Variants in DNAH9 observed in about 807,000 individuals in gnomAD.
DNAH9 encodes the protein DNAH9 variant protein.
Under a neutral mutation model 471.6 loss-of-function variants are expected in DNAH9, and 345 were observed. The ratio of observed to expected loss-of-function variants is 0.73; its 90% CI spans 0.67 to 0.80. The LOEUF (loss-of-function observed/expected upper bound fraction) is 0.80, where lower values mean the gene tolerates loss of function less well. Ranked by LOEUF, DNAH9 falls within the 30% of genes least tolerant of loss-of-function variation. The probability of loss-of-function intolerance (pLI) is 0.00; values close to 1 mark genes in which losing one functional copy is unlikely to be tolerated. For missense variants in DNAH9, 5,407 were observed against 5,609.2 expected (o/e 0.96, Z 1.15); for synonymous variants, 2,093 against 2,123.6 (o/e 0.99, Z 0.40).
chr17:11,936,228 T>A (rs1345960263), intron 65 of DNAH9, among the ~76,000 whole-genome samples: 1 of 151,722 alleles, frequency 6.6e-6, no homozygotes, highest in Non-Finnish European at 1.5e-5. Context: ...GAATGGGCAA[T>A]CTATTAGGCT....
chr17:11,879,855 T>C (rs1972644662), intron 53 of DNAH9, among the ~76,000 whole-genome samples: 1 of 152,202 alleles, frequency 6.6e-6, no homozygotes, highest in South Asian at 2.1e-4. Flanking sequence ...TGGTTTTCAT[T>C]ATCTTTTTTG....
In DNAH9 at chr17:11,962,038, A is replaced by C. The variant is rs756392745; in HGVS notation, c.13015A>C (p.Thr4339Pro). The change falls in exon 68 of 69, where the codon ACA becomes CCA. Residue 4339 changes from threonine to proline, a missense_variant. Transcript: ENST00000262442. This position sits in a 1 kb window ranked among gnomAD's most constrained non-coding sequence, Gnocchi z 4.1. ...KELEAWTGDF[T>P]MPSTVWLTGF... is the part of the protein sequence containing the mutation. ...GCTAGAGGCTTGGACGGGTGACTTT[A>C]CAATGCCCTCCACTGTGTGGCTGAC... 6.2e-7 allele frequency: 1 copy of C among 1,614,126 alleles called. No homozygotes were observed. The highest frequency in any genetic ancestry group is 1.7e-5 in the Admixed American group (1 of 60,012).
intron 59 of DNAH9, among the ~76,000 whole-genome samples, chr17:11,895,445 T>C (rs973617808): frequency 3.3e-5 from 5 of 152,244 alleles, no homozygotes; most frequent in African/African-American, 9.6e-5. Flanking sequence ...AAGAGTAAAG[T>C]AATATGATTG....
In DNAH9 at chr17:11,932,409, T is replaced by C. The variant is rs865975756; in HGVS notation, c.12297+204T>C. 6.6e-6 allele frequency among the ~76,000 whole-genome samples: 1 copy of C among 152,116 alleles called. No homozygotes were observed. Among genetic ancestry groups the C allele is most frequent in the Non-Finnish European group, 1.5e-5 (1 of 68,010 alleles). On this transcript the variant is annotated intron_variant, in intron 64 of 68. Coordinates refer to ENST00000262442, the MANE Select transcript of DNAH9 (RefSeq NM_001372.4). The surrounding 1 kb of genome is among the most constrained non-coding windows in gnomAD (Gnocchi z 4.3). ...TCATGTTCCAAGCCCCACTCCCCAT[T>C]ACCTGACAGCCAGATTATTTGAAAC...
chr17:11,788,257 G>A (rs1016142764), intron 41 of DNAH9, among the ~76,000 whole-genome samples: 1 of 152,168 alleles, frequency 6.6e-6, no homozygotes, highest in Non-Finnish European at 1.5e-5. Context: ...CAGGTACCTA[G>A]GAGAGCTAAG....
chr17:11,959,423 G>A (rs1388091668), intron 67 of DNAH9, among the ~76,000 whole-genome samples: 1 of 152,060 alleles, frequency 6.6e-6, no homozygotes, highest in African/African-American at 2.4e-5. Flanking sequence ...TATTACATAA[G>A]CTATACATTG....
intron 26 of DNAH9, among the ~76,000 whole-genome samples, chr17:11,709,619 G>C (rs1029294961): frequency 2.0e-5 from 3 of 152,180 alleles, no homozygotes; most frequent in Admixed American, 1.3e-4. Context: ...GCCTGGATGG[G>C]ACTTGAATAT....
At chr17:11,655,020 C>G (rs1478668562) in intron 14 of DNAH9, among the ~76,000 whole-genome samples, 1 of 152,092 alleles carries the variant, frequency 6.6e-6, no homozygotes, top group Non-Finnish European at 1.5e-5. Context: ...ACAAAAACCA[C>G]TGAACAGAAG....
At chr17:11,934,510 A>C (rs1974635562) in intron 65 of DNAH9, among the ~76,000 whole-genome samples, 1 of 125,128 alleles carries the variant, frequency 8.0e-6, no homozygotes, top group East Asian at 2.4e-4. Context: ...CAGTGGCGCT[A>C]TCTCTGCTCA....
intron 49 of DNAH9, among the ~76,000 whole-genome samples, chr17:11,852,019 G>C (rs184456930): frequency 6.6e-6 from 1 of 152,120 alleles, no homozygotes; most frequent in Non-Finnish European, 1.5e-5. Context: ...TCAGGGGGCC[G>C]TGACAACAGG....
intron 12 of DNAH9, 39 bp from the exon 13 acceptor site, chr17:11,651,030 C>T: frequency 6.3e-7 from 1 of 1,597,184 alleles, no homozygotes; most frequent in Non-Finnish European, 8.5e-7. Context: ...TATTCATTAT[C>T]ACTGAACGAC....
intron 49 of DNAH9, among the ~76,000 whole-genome samples, chr17:11,849,407 TAG>T (rs954395550): frequency 6.6e-6 from 1 of 152,162 alleles, no homozygotes; most frequent in African/African-American, 2.4e-5. Flanking sequence ...CCAGTGAAAT[TAG>T]AGTAAAATCC....
intron 33 of DNAH9, among the ~76,000 whole-genome samples, chr17:11,756,311 C>T (rs1284643545): frequency 6.6e-6 from 1 of 151,376 alleles, no homozygotes; most frequent in African/African-American, 2.4e-5. Flanking sequence ...TTGTGAGACT[C>T]ACTCACAACC....
intron 50 of DNAH9, among the ~76,000 whole-genome samples, chr17:11,858,550 C>T (rs921567541): frequency 6.6e-6 from 1 of 152,196 alleles, no homozygotes; most frequent in Non-Finnish European, 1.5e-5. Flanking sequence ...CCACCAACTT[C>T]TATTTTTTTC....
chr17:11,672,296 C>G (rs1223655188), intron 17 of DNAH9, among the ~76,000 whole-genome samples: 1 of 152,214 alleles, frequency 6.6e-6, no homozygotes, highest in Non-Finnish European at 1.5e-5. Context: ...ACCTCAGGAT[C>G]TTACAGCAGC....
At chr17:11,788,136 A>G (rs1968936167) in intron 41 of DNAH9, among the ~76,000 whole-genome samples, 1 of 152,206 alleles carries the variant, frequency 6.6e-6, no homozygotes, top group African/African-American at 2.4e-5. Context: ...ATTTGGCTAT[A>G]ACAAGATTTA....
intron 60 of DNAH9, 115 bp downstream of exon 60, chr17:11,903,027 G>A: frequency 8.5e-7 from 1 of 1,179,482 alleles, no homozygotes; most frequent in Non-Finnish European, 1.2e-6. Context: ...GTTTCCTGGA[G>A]CTAGAGGGTG....
chr17:11,752,998 C>G (rs769740177), intron 33 of DNAH9, 38 bp downstream of exon 33: 1 of 1,501,676 alleles, frequency 6.7e-7, no homozygotes, highest in African/African-American at 1.4e-5. Context: ...CATTTCTAAT[C>G]ACCTGTGAAA....
At chr17:11,645,879 C>CTT (rs760279719) in intron 11 of DNAH9, among the ~76,000 whole-genome samples, 30 of 70,628 alleles carry the variant, frequency 4.2e-4, no homozygotes, top group East Asian at 1.0e-3. Context: ...TTTTCTTTTT[C>CTT]TTTTTTTTTT....
Sources: gnomAD v4.1 joint callset for allele counts (sites outside exome capture counted in the v4.1 genomes callset) on GRCh38, gnomAD v4.1.1 for gene constraint, Gnocchi (gnomAD v3.1) non-coding constraint, MANE v1.5 for transcripts, NCBI Gene and HGNC (gene_info 2026-07-23, HGNC 2026-07-21) for gene names.